GALNT10: variants seen among roughly 807,000 people sequenced by gnomAD.
GALNT10 encodes polypeptide N-acetylgalactosaminyltransferase 10.
In GALNT10, 41 loss-of-function variants were observed where a neutral mutation model predicts 75.0. The ratio of observed to expected loss-of-function variants is 0.55; its 90% CI spans 0.43 to 0.71. GALNT10 has a LOEUF of 0.71. Ranked by LOEUF, GALNT10 falls within the 30% of genes least tolerant of loss-of-function variation. The probability of loss-of-function intolerance (pLI) is 0.00; values close to 1 mark genes in which losing one functional copy is unlikely to be tolerated. For synonymous variants in GALNT10, 302 were observed against 313.0 expected, an observed-to-expected ratio of 0.96 and a Z score of 0.37; for missense variants, 727 against 818.5, an observed-to-expected ratio of 0.89 and a Z score of 1.36.
chr5:154,216,401 C>T (rs1030612714), intron 1 of GALNT10, among the ~76,000 whole-genome samples: 7 of 152,184 alleles, frequency 4.6e-5, no homozygotes, highest in African/African-American at 1.7e-4. Context: ...TCTACTTATT[C>T]ATCAAATGCA....
intron 7 of GALNT10, among the ~76,000 whole-genome samples, chr5:154,400,889 G>A (rs1355251958): frequency 2.0e-5 from 3 of 152,170 alleles, no homozygotes; most frequent in Non-Finnish European, 4.4e-5. Context: ...AGTGATGGGC[G>A]TGGCCTGCAC....
At chr5:154,292,054 C>T (rs1050610847) in intron 1 of GALNT10, among the ~76,000 whole-genome samples, 3 of 152,188 alleles carry the variant, frequency 2.0e-5, no homozygotes, top group East Asian at 1.9e-4. Flanking sequence ...CAAACCAAAA[C>T]GAAAAGCACC....
At chr5:154,241,592 T>G (rs114401161) in intron 1 of GALNT10, among the ~76,000 whole-genome samples, 2,764 of 152,302 alleles carry the variant, frequency 0.018, 48 homozygotes, top group Non-Finnish European at 0.027. Context: ...ATAATTATTG[T>G]GTCAACTAAA....
intron 2 of GALNT10, among the ~76,000 whole-genome samples, chr5:154,296,288 G>A (rs1754270576): frequency 6.6e-6 from 1 of 152,130 alleles, no homozygotes; most frequent in African/African-American, 2.4e-5. Context: ...TGGAGTTGGG[G>A]TTTCGCTATG....
intron 3 of GALNT10, among the ~76,000 whole-genome samples, chr5:154,302,702 T>C (rs1754378363): frequency 6.6e-6 from 1 of 152,220 alleles, no homozygotes. Context: ...AATGAACCTG[T>C]GTTGCAACAA....
chr5:154,228,856 C>T (rs890414063), intron 1 of GALNT10, among the ~76,000 whole-genome samples: 6 of 152,222 alleles, frequency 3.9e-5, no homozygotes, highest in Non-Finnish European at 7.3e-5. Context: ...TTCAGTTCTC[C>T]ACTTAACTCT....
At position 154,404,161 on chromosome 5, in the gene GALNT10, T is replaced by C. The variant is rs1756224592; in HGVS notation, c.1114T>C (p.Tyr372His). Residue 372 changes from tyrosine to histidine, a missense_variant, in exon 8 of 12, where the codon TAC becomes CAC. Physicochemically the swap from Tyr to His is moderately conservative, Grantham distance 83. Coordinates refer to ENST00000297107, the MANE Select transcript of GALNT10 (RefSeq NM_198321.4). ...DIPCSRVGHI[Y>H]RKYVPYKVPA... The stretch of plus-strand genomic sequence containing the variant: ...CCCCTGCTCCAGGGTGGGCCATATC[T>C]ACAGGAAGTATGTGCCCTACAAGGT... The C allele has an allele frequency of 1.9e-6, 3 of 1,613,264 alleles. No individual in the cohort carries two copies. The highest frequency in any genetic ancestry group is 2.5e-6 in the Non-Finnish European group (3 of 1,179,486).
At position 154,416,754 on chromosome 5, in the gene GALNT10, G is replaced by A; in HGVS notation, c.1654-60G>A. 8.4e-7 allele frequency: 1 copy of A among 1,186,016 alleles called. No individual in the cohort carries two copies. The highest frequency in any genetic ancestry group is 1.3e-6 in the Non-Finnish European group (1 of 795,278). 73.5% of individuals were successfully genotyped at this position (1,186,016 alleles called of 1,614,324 possible). ...CTTTCTCATTGCTGGTATTGTTGCT[G>A]TGGTTTGACTGGCCACATGTCTCCA... On this transcript the variant is annotated intron_variant, in intron 11 of 11. Coordinates refer to ENST00000297107, the MANE Select transcript of GALNT10 (RefSeq NM_198321.4). The surrounding 1 kb of genome is among the most constrained non-coding windows in gnomAD (Gnocchi z 4.5).
intron 1 of GALNT10, among the ~76,000 whole-genome samples, chr5:154,283,044 T>C (rs1754060465): frequency 6.6e-6 from 1 of 152,100 alleles, no homozygotes; most frequent in South Asian, 2.1e-4. Context: ...AGCATCTGCA[T>C]TCATAGCAGT....
chr5:154,318,992 T>G (rs2113104687), intron 3 of GALNT10, among the ~76,000 whole-genome samples: 1 of 152,374 alleles, frequency 6.6e-6, no homozygotes, highest in South Asian at 2.1e-4. Context: ...AGAAGTCTCT[T>G]CTTTCACAGT....
intron 3 of GALNT10, among the ~76,000 whole-genome samples, chr5:154,302,303 C>T (rs771043662): frequency 5.9e-5 from 9 of 152,240 alleles, no homozygotes; most frequent in Non-Finnish European, 1.0e-4. Context: ...CTGGGGACTG[C>T]GTAGCCAGAG....
intron 4 of GALNT10, among the ~76,000 whole-genome samples, chr5:154,373,522 AGT>A (rs1319805964): frequency 6.6e-6 from 1 of 152,158 alleles, no homozygotes; most frequent in Non-Finnish European, 1.5e-5. Flanking sequence ...CTCCTTCTAT[AGT>A]AGCCAGTTTG....
intron 8 of GALNT10, among the ~76,000 whole-genome samples, chr5:154,408,183 A>T (rs1756321996): frequency 6.6e-6 from 1 of 152,176 alleles, no homozygotes; most frequent in African/African-American, 2.4e-5. Flanking sequence ...TGGTCTGCAA[A>T]GCCTAAGTAT....
intron 9 of GALNT10, among the ~76,000 whole-genome samples, chr5:154,410,752 C>T (rs949816478): frequency 6.9e-6 from 1 of 145,840 alleles, no homozygotes; most frequent in Non-Finnish European, 1.5e-5. Flanking sequence ...GGACCCCCAG[C>T]GCCCCTATTT....
At chr5:154,195,113 C>A (rs1161085704) in intron 1 of GALNT10, among the ~76,000 whole-genome samples, 5 of 152,128 alleles carry the variant, frequency 3.3e-5, no homozygotes, top group Admixed American at 3.3e-4. Context: ...AAGCAAAAGC[C>A]CATTTAAAAG....
At chr5:154,192,605 C>T (rs906084891) in intron 1 of GALNT10, among the ~76,000 whole-genome samples, 1 of 152,186 alleles carries the variant, frequency 6.6e-6, no homozygotes, top group Non-Finnish European at 1.5e-5. Flanking sequence ...ATTATTGGTC[C>T]AGTTCTAACA....
intron 1 of GALNT10, among the ~76,000 whole-genome samples, chr5:154,262,818 A>G (rs1431030937): frequency 1.3e-5 from 2 of 152,200 alleles, no homozygotes; most frequent in African/African-American, 4.8e-5. Context: ...CCTCTTCTGA[A>G]CTAGACCCCA....
intron 7 of GALNT10, among the ~76,000 whole-genome samples, chr5:154,398,683 A>G (rs569249470): frequency 1.5e-4 from 23 of 152,344 alleles, no homozygotes; most frequent in African/African-American, 5.1e-4. Context: ...GTTCCAACTG[A>G]AAAGAGCACT....
At chr5:154,191,134 G>A in intron 1 of GALNT10, 109 bp downstream of exon 1, 2 of 730,444 alleles carry the variant, frequency 2.7e-6, no homozygotes, top group Non-Finnish European at 3.9e-6. Flanking sequence ...AGTCAGCTCC[G>A]AGACTCTTCA....
Sources: gnomAD v4.1 joint callset for allele counts (sites outside exome capture counted in the v4.1 genomes callset) on GRCh38, gnomAD v4.1.1 for gene constraint, Gnocchi (gnomAD v3.1) non-coding constraint, MANE v1.5 for transcripts, NCBI Gene and HGNC (gene_info 2026-07-23, HGNC 2026-07-21) for gene names.